Variants in ATG16L2 observed in about 807,000 individuals in gnomAD.
The protein encoded by ATG16L2 is protein Atg16l2.
A neutral mutation model predicts 84.7 loss-of-function variants in ATG16L2; 77 were observed. The ratio of observed to expected loss-of-function variants is 0.91; its 90% CI spans 0.76 to 1.10. The LOEUF (loss-of-function observed/expected upper bound fraction) is 1.10. Among genes scored for constraint, ATG16L2 ranks in the 50% least tolerant of loss-of-function variants. The pLI is 0.00. For missense variants in ATG16L2, 782 were observed against 817.6 expected (o/e 0.96, Z 0.53); for synonymous variants, 361 against 342.8 (o/e 1.05, Z -0.59).
intron 5 of ATG16L2, chr11:72,837,480 C>A (rs868319285): frequency 0.018 from 2,625 of 145,054 alleles, 58 homozygotes; most frequent in Non-Finnish European, 0.021. Context: ...AAAAAAAAAA[C>A]AAACCACAAC....
chr11:72,826,213 C>T lies in ATG16L2; in HGVS notation c.1143C>T (p.Gly381=). 1 of 1,614,012 alleles carries T rather than the reference C, an allele frequency of 6.2e-7. No homozygotes were observed. Among genetic ancestry groups the T allele is most frequent in the Non-Finnish European group, 8.5e-7 (1 of 1,179,948 alleles). Residue 381 remains glycine (G), a synonymous_variant, in exon 11 of 18, where the codon GGC becomes GGT. Coordinates refer to ENST00000321297, the MANE Select transcript of ATG16L2 (RefSeq NM_033388.2). ...ACCAGACCCTGGAGGGAGCTGGTGG[C>T]AGCATCACCAGTGTGGACTTTGACC... ...EANQTLEGAG[G]SITSVDFDPS... is the part of the protein sequence containing the mutation.
intron 14 of ATG16L2, 49 bp from the exon 15 acceptor site, chr11:72,828,310 T>G: frequency 1.2e-6 from 2 of 1,603,080 alleles, no homozygotes; most frequent in Non-Finnish European, 1.7e-6. Flanking sequence ...CTGTCAGGAG[T>G]GGCCTGGCTA....
intron 2 of ATG16L2, 139 bp downstream of exon 2, chr11:72,816,966 T>G (rs1591293360): frequency 7.3e-5 from 20 of 275,548 alleles, no homozygotes; most frequent in South Asian, 1.4e-4. Flanking sequence ...GTGGTGGAGG[T>G]GGTGGGGGTG....
chr11:72,818,658 G>C (rs1859817890), intron 3 of ATG16L2: 1 of 152,192 alleles, frequency 6.6e-6, no homozygotes, highest in South Asian at 2.1e-4. Context: ...TTGTAGAGGA[G>C]GAAACTGAGG....
At chr11:72,840,332 C>T (rs189462062) in intron 5 of ATG16L2, among the ~76,000 whole-genome samples, 20 of 152,238 alleles carry the variant, frequency 1.3e-4, no homozygotes, top group Non-Finnish European at 2.2e-4. Context: ...TAATAGGGGT[C>T]AAGGAAAATA....
intron 5 of ATG16L2, among the ~76,000 whole-genome samples, chr11:72,839,652 A>G (rs1340107271): frequency 6.6e-6 from 1 of 152,174 alleles, no homozygotes; most frequent in African/African-American, 2.4e-5. Flanking sequence ...TGGGGGTTCC[A>G]TTTACCAAGA....
At chr11:72,821,062 T>G in intron 3 of ATG16L2, 1 of 262,834 alleles carries the variant, frequency 3.8e-6, no homozygotes, top group Non-Finnish European at 5.9e-6. Context: ...CAGGGAGGGG[T>G]GGGGAACAGA....
In ATG16L2 at chr11:72,826,811, G is replaced by A. The variant is rs925602962; in HGVS notation, c.1354G>A (p.Gly452Ser). 16 of 1,613,624 alleles carry A rather than the reference G, an allele frequency of 9.9e-6. No individual in the cohort carries two copies. The highest frequency in any genetic ancestry group is 1.7e-4 in the Middle Eastern group (1 of 6,040). The change falls in exon 13 of 18, where the codon GGC (glycine) becomes AGC (serine). Residue 452 changes from glycine (G) to serine (S), a missense_variant. Gly to Ser is a moderately conservative substitution (Grantham distance 56, BLOSUM62 0). Transcript: ENST00000321297. ...RDRTVKEWDL[G>S]RAYCSRTINV... ...CCGGACAGTGAAGGAGTGGGACCTCGGCCGTGCCTATTGTGAGCCCGAGCC... is the reference window on the plus strand; with the variant it reads ...CCGGACAGTGAAGGAGTGGGACCTCAGCCGTGCCTATTGTGAGCCCGAGCC...
intron 15 of ATG16L2, 60 bp from the exon 16 acceptor site, chr11:72,828,669 C>T: frequency 1.2e-6 from 2 of 1,606,470 alleles, no homozygotes; most frequent in South Asian, 1.1e-5. Flanking sequence ...TGGAAGCTCA[C>T]TGCAGAGGGC....
chr11:72,841,640 C>T, intron 5 of ATG16L2: 2 of 1,501,302 alleles, frequency 1.3e-6, no homozygotes, highest in Non-Finnish European at 1.8e-6. Context: ...GAGAGCCTGG[C>T]TGCTTCTCTG....
Position 72,829,482 on chromosome 11 carries a change from G to A in ATG16L2, c.*92G>A. The A allele has an allele frequency of 2.0e-6, 3 of 1,496,994 alleles. No homozygotes were observed. The highest frequency in any genetic ancestry group is 2.7e-6 in the Non-Finnish European group (3 of 1,122,310). 92.7% of individuals were successfully genotyped at this position (1,496,994 alleles called of 1,614,324 possible). ...AGGGGTTGGGGTTGGGACTGGAGCT[G>A]GCCTTGGGATTTAATGGGGAAGAAG... On this transcript the variant is annotated 3_prime_UTR_variant, in exon 18 of 18. Transcript: ENST00000321297.
Position 72,829,479 on chromosome 11 carries a change from G to A in ATG16L2, c.*89G>A. The A allele has an allele frequency of 6.6e-7, 1 of 1,506,178 alleles. No individual in the cohort carries two copies. Among genetic ancestry groups the A allele is most frequent in the South Asian group, 1.3e-5 (1 of 79,868 alleles). The allele number at this position is 1,506,178 out of a possible 1,614,324, so 93.3% of individuals were successfully genotyped here. A position where few individuals can be genotyped will look rare whatever the true frequency, so the allele number is the denominator to read the frequency against. ...TGCAGGGGTTGGGGTTGGGACTGGA[G>A]CTGGCCTTGGGATTTAATGGGGAAG... On this transcript the variant is annotated 3_prime_UTR_variant, in exon 18 of 18. Transcript: ENST00000321297.
chr11:72,816,671 C>A, intron 1 of ATG16L2, 57 bp from the exon 2 acceptor site: 1 of 1,409,724 alleles, frequency 7.1e-7, no homozygotes, highest in Non-Finnish European at 1.0e-6. Flanking sequence ...AAATTGCATG[C>A]CAGGGGGCTG....
intron 1 of ATG16L2, among the ~76,000 whole-genome samples, chr11:72,816,517 G>T (rs1446920174): frequency 1.3e-5 from 2 of 152,204 alleles, no homozygotes; most frequent in East Asian, 3.9e-4. Flanking sequence ...TGGGCCTGGG[G>T]ACCGGTGCTA....
At position 72,828,444 on chromosome 11, in the gene ATG16L2, T is replaced by C. The variant is rs752180251; in HGVS notation, c.1558T>C (p.Cys520Arg). 12 of 1,614,000 alleles carry C rather than the reference T, an allele frequency of 7.4e-6. No homozygotes were observed. The highest frequency in any genetic ancestry group is 1.0e-5 in the Non-Finnish European group (12 of 1,179,998). The change falls in exon 15 of 18, where the codon TGT (cysteine) becomes CGT (arginine). Residue 520 changes from cysteine to arginine, a missense_variant. By Grantham distance (180) the Cys-to-Arg change is radical. Transcript: ENST00000321297. ...CCACGACCAACTGCACCTGCTCAGC[T>C]GTTCCCGAGACAACACACTCAAGGT... is the stretch of plus-strand genomic sequence containing the variant. ...LSHDQLHLLS[C>R]SRDNTLKVID...
At chr11:72,820,259 G>T (rs1859917513) in intron 3 of ATG16L2, 1 of 152,196 alleles carries the variant, frequency 6.6e-6, no homozygotes, top group Non-Finnish European at 1.5e-5. Flanking sequence ...GGTATGAAGT[G>T]TGTATATGTC....
chr11:72,843,474 T>C, exon 6 of ATG16L2: 1 of 1,613,704 alleles, frequency 6.2e-7, no homozygotes, highest in East Asian at 2.2e-5. Context: ...CATATCTCCA[T>C]CTTCAATCAC....
Position 72,828,392 on chromosome 11 carries a change from G to A in ATG16L2, c.1506G>A (p.Gln502=), listed in dbSNP as rs1342423359. 2 of 1,614,050 alleles carry A rather than the reference G, an allele frequency of 1.2e-6. No homozygotes were observed. The highest frequency in any genetic ancestry group is 4.5e-5 in the East Asian group (2 of 44,886). Residue 502 remains glutamine (Q), a synonymous_variant, in exon 15 of 18, where the codon CAG becomes CAA. Coordinates refer to ENST00000321297, the MANE Select transcript of ATG16L2 (RefSeq NM_033388.2). ...ACTGCACCCAGGTCATCCCTGTGCA[G>A]GGCCGGGTCACCTCCCTGAGCCTCA... The part of the protein sequence containing the change: ...GPHCTQVIPV[Q]GRVTSLSLSH...
chr11:72,828,652 G>A, intron 15 of ATG16L2, 77 bp from the exon 16 acceptor site: 1 of 1,599,026 alleles, frequency 6.3e-7, no homozygotes, highest in Non-Finnish European at 8.6e-7. Context: ...CGACAAAGAG[G>A]AAGCTCTGGA....
Sources: gnomAD v4.1 joint callset for allele counts (sites outside exome capture counted in the v4.1 genomes callset) on GRCh38, gnomAD v4.1.1 for gene constraint, MANE v1.5 for transcripts, NCBI Gene and HGNC (gene_info 2026-07-23, HGNC 2026-07-21) for gene names.